The following SMURF2 variants were observed in gnomAD, a reference collection of about 807,000 sequenced individuals.
The protein encoded by SMURF2 is E3 ubiquitin-protein ligase SMURF2.
In SMURF2, 48 loss-of-function variants were observed where a neutral mutation model predicts 109.6. That is an observed-to-expected ratio of 0.44 (90% confidence interval 0.35 to 0.56). The LOEUF (loss-of-function observed/expected upper bound fraction) is 0.56. Ranked by LOEUF, SMURF2 falls within the 20% of genes least tolerant of loss-of-function variation. The pLI is 0.01. For synonymous variants in SMURF2, 288 were observed against 317.1 expected (o/e 0.91, Z 0.97); for missense variants, 575 against 909.0 (o/e 0.63, Z 4.72).
intron 1 of SMURF2, among the ~76,000 whole-genome samples, chr17:64,621,903 A>AAATAAATAAATAAT (rs1555690664): frequency 7.1e-6 from 1 of 141,832 alleles, no homozygotes; most frequent in Admixed American, 7.3e-5. Context: ...ATAAATAAAT[A>AAATAAATAAATAAT]AATAATAATA....
In SMURF2 at chr17:64,662,119, C is replaced by A; in HGVS notation, c.-239G>T. 9.6e-7 allele frequency: 1 copy of A among 1,040,498 alleles called. No individual in the cohort carries two copies. The highest frequency in any genetic ancestry group is 1.2e-6 in the Non-Finnish European group (1 of 864,838). The allele number at this position is 1,040,498 out of a possible 1,614,324, so 64.5% of individuals were successfully genotyped here. A position where few individuals can be genotyped will look rare whatever the true frequency, so the allele number is the denominator to read the frequency against. On this transcript the variant is annotated 5_prime_UTR_variant, in exon 1 of 19. Transcript: ENST00000262435. ...CCCGGGCCGCACAACAAAGCGGCAG[C>A]CGCGGCCGCCCGCGCCGCCTCCGCC...
In SMURF2 at chr17:64,658,913, T is replaced by C. The variant is rs1970738018; in HGVS notation, c.52+2916A>G. Among the ~76,000 whole-genome samples the C allele has an allele frequency of 2.0e-5, 3 of 152,236 alleles. 1 individual carries two copies. The South Asian group carries it at 6.2e-4, about 31-fold the overall frequency. On this transcript the variant is annotated intron_variant, in intron 1 of 18. Transcript: ENST00000262435. ...GCCCATTTCAATGATCATATGTTAA[T>C]GTGTCATAAAGAACAGAAGTAGCTT...
intron 1 of SMURF2, among the ~76,000 whole-genome samples, chr17:64,661,614 C>A (rs1006090324): frequency 8.5e-4 from 129 of 152,236 alleles, no homozygotes; most frequent in African/African-American, 3.0e-3. Context: ...CTCCACAAAA[C>A]ACCACCCCCC....
chr17:64,547,133 A>G lies in SMURF2; in HGVS notation c.2071+467T>C, dbSNP rs1025108171. On this transcript the variant is annotated intron_variant, in intron 17 of 18. Coordinates refer to ENST00000262435, the MANE Select transcript of SMURF2 (RefSeq NM_022739.4). This position sits in a 1 kb window ranked among gnomAD's most constrained non-coding sequence, Gnocchi z 4.2. ...TAAAAAAGGAATATGGTTGTAAACA[A>G]ATGGTCTGATGCCATGCAGTAATTA... 6.6e-6 allele frequency among the ~76,000 whole-genome samples: 1 copy of G among 152,206 alleles called. No homozygotes were observed. Among genetic ancestry groups the G allele is most frequent in the Non-Finnish European group, 1.5e-5 (1 of 68,036 alleles).
intron 1 of SMURF2, among the ~76,000 whole-genome samples, chr17:64,622,364 T>C (rs1366271756): frequency 6.6e-6 from 1 of 152,204 alleles, no homozygotes; most frequent in African/African-American, 2.4e-5. Flanking sequence ...ATTAATATTA[T>C]ACATTAATTA....
intron 1 of SMURF2, among the ~76,000 whole-genome samples, chr17:64,607,687 C>A (rs1969988725): frequency 6.7e-6 from 1 of 149,128 alleles, no homozygotes; most frequent in Admixed American, 6.7e-5. Context: ...TTACTGCTTA[C>A]AGGCTGGGCA....
At chr17:64,578,119 TATTTTTAGTAGAG>T in intron 9 of SMURF2, among the ~76,000 whole-genome samples, 1 of 152,104 alleles carries the variant, frequency 6.6e-6, no homozygotes, top group Non-Finnish European at 1.5e-5. Flanking sequence ...CTCATTTTTG[TATTTTTAGTAGAG>T]ATGGGGTTTC....
chr17:64,651,785 C>T (rs78063080), intron 1 of SMURF2, among the ~76,000 whole-genome samples: 3,498 of 152,000 alleles, frequency 0.023, 144 homozygotes, highest in African/African-American at 0.08. Context: ...TAGCTGGGCA[C>T]GGTGATGGAT....
chr17:64,632,234 C>A (rs1970361891), intron 1 of SMURF2, among the ~76,000 whole-genome samples: 1 of 152,130 alleles, frequency 6.6e-6, no homozygotes, highest in Non-Finnish European at 1.5e-5. Flanking sequence ...GCTGGGATTA[C>A]AGGCATAAGC....
intron 1 of SMURF2, among the ~76,000 whole-genome samples, chr17:64,655,660 G>A (rs1598319939): frequency 6.6e-6 from 1 of 151,982 alleles, no homozygotes; most frequent in South Asian, 2.1e-4. Flanking sequence ...GCCAAGGTGG[G>A]CAGATCACTT....
chr17:64,556,411 T>C (rs529074290), intron 13 of SMURF2, among the ~76,000 whole-genome samples: 7 of 152,178 alleles, frequency 4.6e-5, no homozygotes, highest in South Asian at 4.1e-4. Context: ...CAAAACACCA[T>C]AGATTTAAGA....
rs1225064858 is a variant in SMURF2, at chr17:64,580,917, G to T, written c.644C>A (p.Thr215Lys). The change falls in exon 8 of 19, where the codon ACA becomes AAA. Residue 215 changes from threonine to lysine, a missense_variant. Physicochemically the swap from Thr to Lys is moderately conservative, Grantham distance 78. Around this residue, in one of 5 missense-constraint regions of SMURF2, gnomAD observed 151 missense variants for 178.4 expected, o/e 0.85. Coordinates refer to ENST00000262435, the MANE Select transcript of SMURF2 (RefSeq NM_022739.4). ...AGACTGTCCACATGTTGCACCATTT[G>T]TTCCACTAATTGGAGTGTTCTCATC... ...FVDENTPISG[T>K]NGATCGQSSD... The T allele has an allele frequency of 3.7e-6, 6 of 1,614,014 alleles. No individual in the cohort carries two copies. In the African/African-American group the frequency reaches 6.7e-5, roughly 18 times the overall value.
chr17:64,557,000 T>C lies in SMURF2; in HGVS notation c.1431+608A>G, dbSNP rs563581758. 1.2e-3 allele frequency among the ~76,000 whole-genome samples: 181 copies of C among 152,334 alleles called. 2 individuals are homozygous for C. Among genetic ancestry groups the C allele is most frequent in the South Asian group, 0.011 (53 of 4,826 alleles). ...CCATATCATTAACTATTATCCCACA[T>C]TATCATTTTAGTGGCTGTATAGTAT... is the stretch of plus-strand genomic sequence containing the variant. On this transcript the variant is annotated intron_variant, in intron 13 of 18. Coordinates refer to ENST00000262435, the MANE Select transcript of SMURF2 (RefSeq NM_022739.4).
rs1243426414 is a variant in SMURF2, at chr17:64,555,632, C to G, written c.1610+188G>C. Among the ~76,000 whole-genome samples, 3 of 152,184 alleles carry G rather than the reference C, an allele frequency of 2.0e-5. No homozygotes were observed. In the South Asian group the frequency reaches 6.2e-4, roughly 32 times the overall value. ...TTTTTTCCTTTTTAAAGTAGTAACA[C>G]TTGCTAAGTTTAAGGAATTTGAAAT... On this transcript the variant is annotated intron_variant, in intron 14 of 18. Transcript: ENST00000262435.
chr17:64,650,703 A>G (rs1382986629), intron 1 of SMURF2, among the ~76,000 whole-genome samples: 1 of 151,922 alleles, frequency 6.6e-6, no homozygotes, highest in Non-Finnish European at 1.5e-5. Flanking sequence ...AGTGGCAGGC[A>G]CCTGTAATCC....
At chr17:64,549,200 G>A (rs1969002126) in intron 16 of SMURF2, among the ~76,000 whole-genome samples, 1 of 138,238 alleles carries the variant, frequency 7.2e-6, no homozygotes, top group African/African-American at 2.7e-5. Context: ...TTGAACCCAG[G>A]AAGTAGAGGT....
chr17:64,619,501 A>G (rs994460070), intron 1 of SMURF2, among the ~76,000 whole-genome samples: 40 of 147,874 alleles, frequency 2.7e-4, no homozygotes, highest in African/African-American at 6.2e-4. Context: ...AAAAAAAAAA[A>G]AAGAAGAAGA....
rs782037099 is a variant in SMURF2 at position 64,606,550 on chromosome 17, T to C, written c.91+52A>G. The stretch of plus-strand genomic sequence containing the variant: ...CTAAACCAGAGAATTCTGAAAACGC[T>C]GTTCCCAAAGATCTACATACAATAC... On this transcript the variant is annotated intron_variant, in intron 2 of 18. Coordinates refer to ENST00000262435, the MANE Select transcript of SMURF2 (RefSeq NM_022739.4). 3.0e-5 allele frequency: 38 copies of C among 1,277,372 alleles called. No individual in the cohort carries two copies. In the South Asian group the frequency reaches 5.2e-4, roughly 17 times the overall value. The allele number at this position is 1,277,372 out of a possible 1,614,324, so 79.1% of individuals were successfully genotyped here.
At chr17:64,560,445 G>C (rs1174566718) in intron 12 of SMURF2, among the ~76,000 whole-genome samples, 2 of 152,074 alleles carry the variant, frequency 1.3e-5, no homozygotes, top group Non-Finnish European at 2.9e-5. Flanking sequence ...GGTTTAAAAG[G>C]TGACAGAATG....
Sources: allele counts gnomAD v4.1 joint callset (sites outside exome capture counted in the v4.1 genomes callset), GRCh38; gene constraint gnomAD v4.1.1; regional missense constraint gnomAD v4.1.1; non-coding constraint Gnocchi (gnomAD v3.1); transcripts MANE v1.5; gene names NCBI Gene and HGNC (gene_info 2026-07-23, HGNC 2026-07-21).